Variants in YIPF1 observed in about 807,000 individuals in gnomAD.
YIPF1 encodes Yip1 domain family member 1, also known as protein YIPF1.
YIPF1 carries 22 observed loss-of-function variants against 37.0 expected under a neutral mutation model. The ratio of observed to expected loss-of-function variants is 0.59; its 90% CI spans 0.42 to 0.85. The LOEUF (loss-of-function observed/expected upper bound fraction) is 0.85, where lower values mean the gene tolerates loss of function less well. Ranked by LOEUF, YIPF1 falls within the 40% of genes least tolerant of loss-of-function variation. The pLI is 0.00. For synonymous variants in YIPF1, 128 were observed against 131.9 expected, an observed-to-expected ratio of 0.97 and a Z score of 0.21; for missense variants, 355 against 373.1, an observed-to-expected ratio of 0.95 and a Z score of 0.40.
Position 53,866,205 on chromosome 1 carries a change from A to G in YIPF1, c.826T>C (p.Cys276Arg), listed in dbSNP as rs1650017759. 6.2e-7 allele frequency: 1 copy of G among 1,613,830 alleles called. No homozygotes were observed. Among genetic ancestry groups the G allele is most frequent in the Non-Finnish European group, 8.5e-7 (1 of 1,179,888 alleles). The change falls in exon 9 of 11, where the codon TGC becomes CGC. Residue 276 changes from cysteine to arginine, a missense_variant. Coordinates refer to ENST00000072644, the MANE Select transcript of YIPF1 (RefSeq NM_018982.5). Reference protein sequence around the residue: ...VLLHMLLSVGCLAYFFDAPEM... With the variant: ...VLLHMLLSVGRLAYFFDAPEM... ...ATATACGACTGAACCCATACCAAGC[A>G]GCCCACAGAAAGCAGCATATGGAGC... is the stretch of plus-strand genomic sequence containing the variant.
intron 4 of YIPF1, among the ~76,000 whole-genome samples, chr1:53,881,972 A>G (rs566496150): frequency 1.4e-4 from 21 of 152,370 alleles, no homozygotes; most frequent in African/African-American, 3.6e-4. Flanking sequence ...ATGCCCATCA[A>G]TGATAGACTG....
At chr1:53,889,124 A>G (rs1357089821) in intron 2 of YIPF1, 120 bp downstream of exon 2, 4 of 480,906 alleles carry the variant, frequency 8.3e-6, no homozygotes, top group Non-Finnish European at 1.5e-5. Flanking sequence ...AAAGATAACC[A>G]CTAAGCATCA....
chr1:53,876,578 C>T (rs116325243), intron 6 of YIPF1, among the ~76,000 whole-genome samples: 1,566 of 152,266 alleles, frequency 0.01, 12 homozygotes, highest in Non-Finnish European at 0.019. Context: ...CAAGCCCTGG[C>T]TTTGTCATGA....
At chr1:53,862,762 C>A (rs754509730) in intron 9 of YIPF1, among the ~76,000 whole-genome samples, 2 of 152,128 alleles carry the variant, frequency 1.3e-5, no homozygotes, top group Non-Finnish European at 2.9e-5. Context: ...TTACATGACT[C>A]GTCATATTTT....
At position 53,858,293 on chromosome 1, in the gene YIPF1, T is replaced by A. The variant is rs1364459225; in HGVS notation, c.*8+1763A>T. Among the ~76,000 whole-genome samples the A allele has an allele frequency of 2.6e-5, 4 of 152,186 alleles. No individual in the cohort carries two copies. In the East Asian group the frequency reaches 7.7e-4, roughly 29 times the overall value. ...TACCATTAAGGAACTGGAAAGCATT[T>A]GACCAGTCATATCTAGTCAACCTAC... On this transcript the variant is annotated intron_variant, in intron 10 of 10. Transcript: ENST00000072644.
intron 3 of YIPF1, chr1:53,886,561 C>G (rs886261024): frequency 6.7e-6 from 1 of 148,688 alleles, no homozygotes; most frequent in Non-Finnish European, 1.5e-5. Context: ...ACCCACCCCC[C>G]GCCACCCCAC....
In YIPF1 at chr1:53,852,148, T is replaced by A. The variant is rs2100713425; in HGVS notation, c.*131A>T. On this transcript the variant is annotated 3_prime_UTR_variant, in exon 11 of 11. Coordinates refer to ENST00000072644, the MANE Select transcript of YIPF1 (RefSeq NM_018982.5). Reference sequence around the variant, plus strand: ...TGTTAAACGGGTGATTAGGCGCCAGTGTGGCACCATCCAGACACTGGGAAT... The same window carrying A: ...TGTTAAACGGGTGATTAGGCGCCAGAGTGGCACCATCCAGACACTGGGAAT... 6.6e-6 allele frequency: 1 copy of A among 152,344 alleles called. No individual in the cohort carries two copies. The highest frequency in any genetic ancestry group is 1.9e-4 in the East Asian group (1 of 5,186). 9.4% of individuals were successfully genotyped at this position (152,344 alleles called of 1,614,324 possible).
At chr1:53,866,634 G>C (rs1329445477) in intron 8 of YIPF1, 124 bp downstream of exon 8, 39 of 1,285,650 alleles carry the variant, frequency 3.0e-5, no homozygotes, top group Non-Finnish European at 3.7e-5. Flanking sequence ...AACTTCAAAG[G>C]AGATTTTTTC....
chr1:53,889,161 CAAAG>C, intron 2 of YIPF1, 79 bp downstream of exon 2: 1 of 437,008 alleles, frequency 2.3e-6, no homozygotes, highest in Non-Finnish European at 4.1e-6. Flanking sequence ...AAAACTGTAA[CAAAG>C]AAACTAACCC....
At chr1:53,870,679 ACC>A (rs1363377505) in intron 7 of YIPF1, among the ~76,000 whole-genome samples, 1 of 151,848 alleles carries the variant, frequency 6.6e-6, no homozygotes, top group Non-Finnish European at 1.5e-5. Flanking sequence ...CTTCACACAC[ACC>A]TTTAAATTAT....
At chr1:53,883,655 T>G (rs1569655003) in intron 3 of YIPF1, among the ~76,000 whole-genome samples, 1 of 152,258 alleles carries the variant, frequency 6.6e-6, no homozygotes, top group Non-Finnish European at 1.5e-5. Flanking sequence ...TAAACTTTAC[T>G]TCTTTGATTC....
At chr1:53,877,947 G>GC (rs1253108089) in intron 6 of YIPF1, among the ~76,000 whole-genome samples, 1 of 152,084 alleles carries the variant, frequency 6.6e-6, no homozygotes, top group African/African-American at 2.4e-5. Flanking sequence ...CAGCCACTGT[G>GC]CCAACCCAGC....
chr1:53,860,202 G>A (rs1395646235), intron 9 of YIPF1, 49 bp from the exon 10 acceptor site: 1 of 1,590,014 alleles, frequency 6.3e-7, no homozygotes, highest in Non-Finnish European at 8.6e-7. Context: ...CAGTGGTCCG[G>A]GTAAGTGTTT....
Position 53,861,659 on chromosome 1 carries a change from AGGGGGGAAGGAAGGAAGGAAGG to A in YIPF1, c.832-1528_832-1507del, listed in dbSNP as rs1649880624. ...AGGCAGGGAAGGAAGGAAGGAAGGG[AGGGGGGAAGGAAGGAAGGAAGG>A]GAGAGAGAGAGGGAGGGAGGGAGGG... On this transcript the variant is annotated intron_variant, in intron 9 of 10. Coordinates refer to ENST00000072644, the MANE Select transcript of YIPF1 (RefSeq NM_018982.5). Among the ~76,000 whole-genome samples the A allele has an allele frequency of 6.1e-5, 6 of 99,040 alleles. No homozygotes were observed. In the South Asian group the frequency reaches 2.3e-3, roughly 38 times the overall value. 65.0% of individuals were successfully genotyped at this position (99,040 alleles called of 152,430 possible).
chr1:53,889,101 A>C (rs1650733948), intron 2 of YIPF1, 115 bp from the exon 3 acceptor site: 1 of 539,832 alleles, frequency 1.9e-6, no homozygotes, highest in Non-Finnish European at 3.4e-6. Context: ...AGTGGGGTTT[A>C]ATAGGTTTAT....
intron 10 of YIPF1, among the ~76,000 whole-genome samples, chr1:53,857,554 A>G (rs1011539291): frequency 6.6e-6 from 1 of 152,242 alleles, no homozygotes; most frequent in Non-Finnish European, 1.5e-5. Flanking sequence ...AGACTTAGAT[A>G]TGAGTCCCAG....
intron 10 of YIPF1, among the ~76,000 whole-genome samples, chr1:53,858,087 G>A (rs1464064091): frequency 6.6e-6 from 1 of 152,022 alleles, no homozygotes; most frequent in Non-Finnish European, 1.5e-5. Context: ...GTCCTCTCTC[G>A]GTCTCAGCTT....
At chr1:53,860,032 C>A (rs1326407968) in intron 10 of YIPF1, 24 bp downstream of exon 10, 6 of 1,611,544 alleles carry the variant, frequency 3.7e-6, no homozygotes, top group Non-Finnish European at 5.1e-6. Context: ...CACCACACAG[C>A]AAAATAAAAA....
At chr1:53,862,758 G>A (rs917309441) in intron 9 of YIPF1, among the ~76,000 whole-genome samples, 17 of 152,046 alleles carry the variant, frequency 1.1e-4, no homozygotes, top group African/African-American at 4.1e-4. Flanking sequence ...CCATTTACAT[G>A]ACTCGTCATA....
Sources: gnomAD v4.1 joint callset for allele counts (sites outside exome capture counted in the v4.1 genomes callset) on GRCh38, gnomAD v4.1.1 for gene constraint, MANE v1.5 for transcripts, NCBI Gene and HGNC (gene_info 2026-07-23, HGNC 2026-07-21) for gene names.